The following LZTS1 variants were observed in gnomAD, a reference collection of about 807,000 sequenced individuals.
LZTS1 encodes the protein leucine zipper putative tumor suppressor 1.
Under a neutral mutation model 45.8 loss-of-function variants are expected in LZTS1, and 31 were observed. That is an observed-to-expected ratio of 0.68 (90% CI 0.51 to 0.91). The LOEUF is 0.91. Ranked by LOEUF, LZTS1 falls within the 40% of genes least tolerant of loss-of-function variation. The pLI is 0.00. For synonymous variants in LZTS1, 359 were observed against 357.3 expected (o/e 1.00, Z -0.05); for missense variants, 821 against 788.9 (o/e 1.04, Z -0.49).
intron 1 of LZTS1, among the ~76,000 whole-genome samples, chr8:20,286,858 C>T (rs777061729): frequency 3.9e-5 from 6 of 152,118 alleles, no homozygotes; most frequent in African/African-American, 7.2e-5. Flanking sequence ...ACAAAGGACA[C>T]GTTCTGTGCA....
At chr8:20,282,429 G>A (rs554803984) in intron 1 of LZTS1, among the ~76,000 whole-genome samples, 35 of 152,352 alleles carry the variant, frequency 2.3e-4, no homozygotes, top group African/African-American at 7.7e-4. Context: ...TGACCTGGGG[G>A]CAGTTGCTAC....
chr8:20,260,425 G>A (rs769074317), intron 1 of LZTS1, among the ~76,000 whole-genome samples: 6 of 152,190 alleles, frequency 3.9e-5, no homozygotes, highest in South Asian at 2.1e-4. Flanking sequence ...GTGGGATGCC[G>A]TGGCCCTGGC....
chr8:20,268,884 T>C (rs182305738), intron 1 of LZTS1, among the ~76,000 whole-genome samples: 6 of 152,034 alleles, frequency 3.9e-5, no homozygotes, highest in East Asian at 1.9e-4. Context: ...TTCCATCGGG[T>C]CGAACAATCG....
chr8:20,258,643 G>A (rs1585282045), intron 1 of LZTS1, among the ~76,000 whole-genome samples: 1 of 152,188 alleles, frequency 6.6e-6, no homozygotes, highest in East Asian at 1.9e-4. Flanking sequence ...CTACCTCATA[G>A]GATCGTTATG....
intron 1 of LZTS1, among the ~76,000 whole-genome samples, chr8:20,287,183 G>A (rs1360710159): frequency 2.0e-5 from 3 of 152,208 alleles, no homozygotes; most frequent in South Asian, 2.1e-4. Context: ...AAGGTGTTCG[G>A]TGCCGGTCAC....
intron 1 of LZTS1, chr8:20,275,861 C>T (rs972310741): frequency 3.3e-5 from 5 of 152,074 alleles, no homozygotes; most frequent in East Asian, 1.9e-4. Context: ...TGTCACGTGC[C>T]GGGGTGAACT....
intron 1 of LZTS1, among the ~76,000 whole-genome samples, chr8:20,273,037 C>T (rs906793636): frequency 2.0e-5 from 3 of 152,176 alleles, no homozygotes; most frequent in Non-Finnish European, 4.4e-5. Flanking sequence ...CTCATTGGCT[C>T]TTCAATCCAC....
chr8:20,269,093 C>T (rs1800423607), intron 1 of LZTS1, among the ~76,000 whole-genome samples: 1 of 152,204 alleles, frequency 6.6e-6, no homozygotes, highest in Non-Finnish European at 1.5e-5. Flanking sequence ...CTTCCCCCTT[C>T]CAAAAATAAA....
rs185124057 is a variant in LZTS1 at position 20,276,670 on chromosome 8, G to C, written c.-134-21355C>G. Among the ~76,000 whole-genome samples, 5 of 152,300 alleles carry C rather than the reference G, an allele frequency of 3.3e-5. No homozygotes were observed. The East Asian group carries it at 7.7e-4, about 23-fold the overall frequency. ...AGCAAATTAATCAAACCCAAGGCTG[G>C]GGTCATGGGAACTCCAATTTATAGC... On this transcript the variant is annotated intron_variant, in intron 1 of 3. Coordinates refer to ENST00000381569, the MANE Select transcript of LZTS1 (RefSeq NM_021020.5).
At chr8:20,300,940 C>A (rs572226169) in intron 1 of LZTS1, among the ~76,000 whole-genome samples, 2 of 151,970 alleles carry the variant, frequency 1.3e-5, no homozygotes, top group South Asian at 4.2e-4. Flanking sequence ...ACCAGCATGA[C>A]AAAACCCCAT....
At position 20,247,295 on chromosome 8, in the gene LZTS1, T is replaced by G. The variant is rs1799759664; in HGVS notation, c.*2427A>C. The G allele has an allele frequency of 6.6e-6, 1 of 151,366 alleles. No homozygotes were observed. The highest frequency in any genetic ancestry group is 6.6e-5 in the Admixed American group (1 of 15,210). The allele number at this position is 151,366 out of a possible 1,614,324, so 9.4% of individuals were successfully genotyped here. On this transcript the variant is annotated 3_prime_UTR_variant, in exon 4 of 4. Coordinates refer to ENST00000381569, the MANE Select transcript of LZTS1 (RefSeq NM_021020.5). ...CCCTGGGTGTGGCAGCCACTTCTTC[T>G]CAGGCAACGTCTGAGGCAGAGCACT...
At chr8:20,281,220 G>C (rs1800685596) in intron 1 of LZTS1, among the ~76,000 whole-genome samples, 1 of 152,114 alleles carries the variant, frequency 6.6e-6, no homozygotes, top group African/African-American at 2.4e-5. Context: ...GGGTGGAGGT[G>C]AGGCCTGGTG....
chr8:20,283,926 C>T (rs576319259), intron 1 of LZTS1, among the ~76,000 whole-genome samples: 1 of 152,276 alleles, frequency 6.6e-6, no homozygotes, highest in Non-Finnish European at 1.5e-5. Flanking sequence ...TCCAAGTCAG[C>T]AAATCAGGCT....
rs1563846852 is a variant in LZTS1, at chr8:20,249,760, C to T, written c.1753G>A (p.Asp585Asn). Residue 585 changes from aspartate to asparagine, a missense_variant, in exon 4 of 4, where the codon GAC becomes AAC. Physicochemically the swap from Asp to Asn is conservative, Grantham distance 23 (BLOSUM62 1). Transcript: ENST00000381569. ...EPLEVDLEGA[D>N]IPYEDIIATE... ...GCTATGATGTCCTCGTAGGGGATGTCAGCCCCTTCCAGGTCAACCTCCAAG... is the reference window on the plus strand; with the variant it reads ...GCTATGATGTCCTCGTAGGGGATGTTAGCCCCTTCCAGGTCAACCTCCAAG... The T allele has an allele frequency of 6.2e-7, 1 of 1,612,270 alleles. No homozygotes were observed. The highest frequency in any genetic ancestry group is 1.7e-5 in the Admixed American group (1 of 60,022).
At chr8:20,260,540 G>C (rs893915948) in intron 1 of LZTS1, among the ~76,000 whole-genome samples, 1 of 152,184 alleles carries the variant, frequency 6.6e-6, no homozygotes, top group African/African-American at 2.4e-5. Context: ...GTGAGGCCCA[G>C]AGATGTTAGG....
chr8:20,290,322 T>TA (rs1800879449), intron 1 of LZTS1: 1 of 152,174 alleles, frequency 6.6e-6, no homozygotes, highest in African/African-American at 2.4e-5. Context: ...TGAGCCCTAA[T>TA]AGCTGTGTGT....
intron 1 of LZTS1, among the ~76,000 whole-genome samples, chr8:20,261,458 C>T (rs747940926): frequency 6.6e-5 from 10 of 152,144 alleles, no homozygotes; most frequent in Non-Finnish European, 1.2e-4. Context: ...TCCACCAGGA[C>T]GGGGAGGGGC....
At chr8:20,298,210 C>T (rs1801010789) in intron 1 of LZTS1, among the ~76,000 whole-genome samples, 2 of 152,070 alleles carry the variant, frequency 1.3e-5, no homozygotes, top group African/African-American at 2.4e-5. Flanking sequence ...TACAGGCGTG[C>T]ACCACCACAC....
rs758381493 is a variant in LZTS1, at chr8:20,250,288, C to A, written c.1225G>T (p.Ala409Ser). 3 of 1,613,836 alleles carry A rather than the reference C, an allele frequency of 1.9e-6. No individual in the cohort carries two copies. Among genetic ancestry groups the A allele is most frequent in the Non-Finnish European group, 2.5e-6 (3 of 1,179,970 alleles). The change falls in exon 4 of 4, where the codon GCT becomes TCT. Residue 409 changes from alanine to serine, a missense_variant. Physicochemically the swap from Ala to Ser is moderately conservative, Grantham distance 99. Coordinates refer to ENST00000381569, the MANE Select transcript of LZTS1 (RefSeq NM_021020.5). ...KESQTEVNAK[A>S]SEILGLKAQL... ...GCCTTGAGACCCAGGATCTCGCTAG[C>A]CTTGGCGTTCACCTCCGTCTGGGAC...
Sources: gnomAD v4.1 joint callset for allele counts (sites outside exome capture counted in the v4.1 genomes callset) on GRCh38, gnomAD v4.1.1 for gene constraint, MANE v1.5 for transcripts, NCBI Gene and HGNC (gene_info 2026-07-23, HGNC 2026-07-21) for gene names.